The following CFDP1 variants were observed in gnomAD, a reference collection of about 807,000 sequenced individuals.
The protein encoded by CFDP1 is chromatin remodeling protein CFDP1.
CFDP1 carries 31 observed loss-of-function variants against 40.1 expected under a neutral mutation model. The observed-to-expected ratio is 0.77, with a 90% CI of 0.58 to 1.04. The LOEUF is 1.04. CFDP1 is among the 50% of genes least tolerant of loss of function. The pLI, the probability that CFDP1 is intolerant of heterozygous loss-of-function variation, is 0.00. For missense variants in CFDP1, 423 were observed against 343.4 expected (o/e 1.23, Z -1.83); for synonymous variants, 167 against 120.0 (o/e 1.39, Z -2.56).
At chr16:75,297,145 C>CGCG (rs57113150) in intron 6 of CFDP1, among the ~76,000 whole-genome samples, 23 of 139,144 alleles carry the variant, frequency 1.7e-4, no homozygotes, top group Admixed American at 9.4e-4. Context: ...CTTCCCATTT[C>CGCG]TTGTGTGTGT....
At chr16:75,328,978 C>G (rs189167040) in intron 5 of CFDP1, among the ~76,000 whole-genome samples, 235 of 152,098 alleles carry the variant, frequency 1.5e-3, no homozygotes, top group African/African-American at 5.5e-3. Flanking sequence ...TCCCGAGCAG[C>G]TGGGACTACA....
At chr16:75,428,442 C>T (rs531072175) in intron 1 of CFDP1, among the ~76,000 whole-genome samples, 3 of 151,986 alleles carry the variant, frequency 2.0e-5, no homozygotes, top group East Asian at 3.9e-4. Flanking sequence ...GGTGAAGCCC[C>T]GTCTCTATTA....
chr16:75,331,394 G>A (rs1299224813), intron 5 of CFDP1, among the ~76,000 whole-genome samples: 5 of 152,132 alleles, frequency 3.3e-5, no homozygotes, highest in African/African-American at 9.7e-5. Context: ...TGGGATTACA[G>A]GCGTAAACCA....
chr16:75,330,979 A>AAC lies in CFDP1; in HGVS notation c.651-25798_651-25797insGT, dbSNP rs1367161010. On this transcript the variant is annotated intron_variant, in intron 5 of 6. Coordinates refer to ENST00000283882, the MANE Select transcript of CFDP1 (RefSeq NM_006324.3). ...CCAATTATTAAAAAAAAAAAAAAAA[A>AAC]AAAAAACACAAAGTGGGCCTTATTC... Among the ~76,000 whole-genome samples, 5 of 151,036 alleles carry AAC rather than the reference A, an allele frequency of 3.3e-5. No homozygotes were observed. The East Asian group carries it at 9.7e-4, about 29-fold the overall frequency.
chr16:75,305,745 G>A (rs548334111), intron 5 of CFDP1, among the ~76,000 whole-genome samples: 1 of 152,330 alleles, frequency 6.6e-6, no homozygotes, highest in Admixed American at 6.5e-5. Context: ...AAGAGAAAGA[G>A]AACCAGTTCC....
intron 5 of CFDP1, among the ~76,000 whole-genome samples, chr16:75,325,254 C>G (rs60593697): frequency 2.6e-5 from 4 of 152,188 alleles, no homozygotes; most frequent in Admixed American, 6.5e-5. Flanking sequence ...CAGTCCTTAC[C>G]TCCCAGACTT....
intron 5 of CFDP1, among the ~76,000 whole-genome samples, chr16:75,363,276 A>C (rs1195650842): frequency 6.6e-6 from 1 of 151,842 alleles, no homozygotes. Context: ...AGCACCAAAA[A>C]AAAAAAAAAA....
At chr16:75,419,818 C>G (rs1212275315) in intron 1 of CFDP1, among the ~76,000 whole-genome samples, 1 of 152,128 alleles carries the variant, frequency 6.6e-6, no homozygotes, top group Non-Finnish European at 1.5e-5. Context: ...ATAATCCACC[C>G]CTTGTTTAGC....
At chr16:75,347,359 A>AAAAAAAAG (rs1555556963) in intron 5 of CFDP1, among the ~76,000 whole-genome samples, 12 of 53,686 alleles carry the variant, frequency 2.2e-4, no homozygotes, top group African/African-American at 9.8e-4. Context: ...AAAAAAAAAA[A>AAAAAAAAG]AAAAAGAAAA....
At chr16:75,386,633 G>A (rs1398655559) in intron 5 of CFDP1, among the ~76,000 whole-genome samples, 1 of 152,124 alleles carries the variant, frequency 6.6e-6, no homozygotes, top group African/African-American at 2.4e-5. Flanking sequence ...GCTGAGGCAG[G>A]AGCATCACTT....
intron 5 of CFDP1, among the ~76,000 whole-genome samples, chr16:75,383,595 C>T (rs981818810): frequency 1.3e-5 from 2 of 152,006 alleles, no homozygotes; most frequent in Non-Finnish European, 2.9e-5. Context: ...CCGAGGTGGG[C>T]GGATCATGAG....
chr16:75,397,104 T>C (rs188900675), intron 4 of CFDP1, among the ~76,000 whole-genome samples: 7,502 of 151,832 alleles, frequency 0.049, 199 homozygotes, highest in African/African-American at 0.079. Context: ...TTAGTAGAGA[T>C]GGGGTTTCAC....
At chr16:75,303,964 G>C (rs776075757) in intron 6 of CFDP1, among the ~76,000 whole-genome samples, 5 of 152,132 alleles carry the variant, frequency 3.3e-5, no homozygotes, top group Non-Finnish European at 7.4e-5. Flanking sequence ...GAGGACTGTT[G>C]ATTTTGAGCC....
chr16:75,359,405 C>T (rs566159784), intron 5 of CFDP1, among the ~76,000 whole-genome samples: 109 of 152,156 alleles, frequency 7.2e-4, no homozygotes, highest in Admixed American at 1.4e-3. Context: ...ATTCACACCA[C>T]TGGTTCCAAA....
chr16:75,397,519 C>T (rs1029796560), intron 4 of CFDP1, among the ~76,000 whole-genome samples: 2 of 150,256 alleles, frequency 1.3e-5, no homozygotes, highest in African/African-American at 4.9e-5. Flanking sequence ...AAGAAAACAA[C>T]AGGCCGGGGG....
chr16:75,356,051 ACTC>A (rs1340317147), intron 5 of CFDP1, among the ~76,000 whole-genome samples: 1 of 151,788 alleles, frequency 6.6e-6, no homozygotes, highest in East Asian at 1.9e-4. Context: ...CTTCTTCTAA[ACTC>A]CTGTTCCTGT....
chr16:75,390,177 C>G (rs1044386500), intron 5 of CFDP1, among the ~76,000 whole-genome samples: 4 of 152,200 alleles, frequency 2.6e-5, no homozygotes, highest in Non-Finnish European at 4.4e-5. Context: ...CCCAAGGTAG[C>G]TCCTGGTTGG....
At chr16:75,376,432 CATG>C (rs1208821947) in intron 5 of CFDP1, among the ~76,000 whole-genome samples, 19 of 152,142 alleles carry the variant, frequency 1.2e-4, no homozygotes, top group African/African-American at 4.1e-4. Context: ...TACACAGCAA[CATG>C]ATAAGTCTCA....
intron 5 of CFDP1, among the ~76,000 whole-genome samples, chr16:75,367,792 CAAAAAAAAA>C (rs36057090): frequency 2.7e-4 from 29 of 105,606 alleles, no homozygotes; most frequent in Non-Finnish European, 4.7e-4. Flanking sequence ...CACTCCATCT[CAAAAAAAAA>C]AAAAAAAAAA....
Sources: gnomAD v4.1 joint callset for allele counts (sites outside exome capture counted in the v4.1 genomes callset) on GRCh38, gnomAD v4.1.1 for gene constraint, MANE v1.5 for transcripts, NCBI Gene and HGNC (gene_info 2026-07-23, HGNC 2026-07-21) for gene names.